Variants in LCP2 observed in about 807,000 individuals in gnomAD.
The protein encoded by LCP2 is 76 kDa tyrosine phosphoprotein.
In LCP2, 29 loss-of-function variants were observed where a neutral mutation model predicts 74.5. That is an observed-to-expected ratio of 0.39 (90% CI 0.29 to 0.53). The LOEUF is 0.53. Among genes scored for constraint, LCP2 ranks in the 20% least tolerant of loss-of-function variants. The pLI is 0.72. For missense variants in LCP2, 604 were observed against 634.6 expected (o/e 0.95, Z 0.52); for synonymous variants, 228 against 229.5 (o/e 0.99, Z 0.06).
At chr5:170,257,457 G>A (rs1761574510) in intron 16 of LCP2, among the ~76,000 whole-genome samples, 1 of 152,134 alleles carries the variant, frequency 6.6e-6, no homozygotes, top group Non-Finnish European at 1.5e-5. Flanking sequence ...AAGGGAGAAG[G>A]TAAGCCTACA....
rs1206009767 is a variant in LCP2 at position 170,262,763 on chromosome 5, A to T, written c.819-21T>A. 8 of 1,613,148 alleles carry T rather than the reference A, an allele frequency of 5.0e-6. No homozygotes were observed. In the Admixed American group the frequency reaches 1.0e-4, roughly 20 times the overall value. ...GTGACCTGTGGAGTTCAGGAAAAGG[A>T]TGTGTAAGAAACAAACTTTGCCGAG... On this transcript the variant is annotated intron_variant, in intron 12 of 20. Transcript: ENST00000046794.
intron 3 of LCP2, among the ~76,000 whole-genome samples, chr5:170,282,426 T>C (rs1171566338): frequency 6.6e-6 from 1 of 152,198 alleles, no homozygotes; most frequent in Non-Finnish European, 1.5e-5. Flanking sequence ...TCCTGAAAAG[T>C]TAGCTCTTTT....
At chr5:170,277,011 G>T (rs1318262509) in intron 3 of LCP2, among the ~76,000 whole-genome samples, 1 of 147,626 alleles carries the variant, frequency 6.8e-6, no homozygotes, top group African/African-American at 2.5e-5. Flanking sequence ...GGGAGGTGGA[G>T]GTTGCAGTGA....
chr5:170,258,260 T>C (rs1452930236), intron 15 of LCP2, 94 bp from the exon 16 acceptor site: 4 of 1,307,396 alleles, frequency 3.1e-6, no homozygotes, highest in Non-Finnish European at 4.3e-6. Flanking sequence ...AAACAGCTAG[T>C]ATAAAGAGGA....
chr5:170,275,673 C>T (rs1196885113), intron 4 of LCP2, 122 bp downstream of exon 4: 3 of 846,794 alleles, frequency 3.5e-6, no homozygotes, highest in Admixed American at 4.2e-5. Flanking sequence ...ATCTTCCAGA[C>T]CCCTGGGATT....
At chr5:170,266,539 C>G (rs950002748) in intron 10 of LCP2, among the ~76,000 whole-genome samples, 9 of 152,218 alleles carry the variant, frequency 5.9e-5, no homozygotes, top group Non-Finnish European at 1.0e-4. Flanking sequence ...AGAAGCAGCA[C>G]AGCCCCCAGA....
rs375036912 is a variant in LCP2 at position 170,272,287 on chromosome 5, T to C, written c.325-1370A>G. On this transcript the variant is annotated intron_variant, in intron 6 of 20. Transcript: ENST00000046794. ...CAATCATTTGGCTCCTAAATTTGTA[T>C]GCATGATGTTGTTGCTAATTATATT... is the stretch of plus-strand genomic sequence containing the variant. Among the ~76,000 whole-genome samples, 95 of 152,370 alleles carry C rather than the reference T, an allele frequency of 6.2e-4. 1 individual carries two copies. The Middle Eastern group carries it at 0.017, about 27-fold the overall frequency.
At chr5:170,250,266 G>C (rs1333794418) in intron 20 of LCP2, among the ~76,000 whole-genome samples, 3 of 152,126 alleles carry the variant, frequency 2.0e-5, no homozygotes, top group African/African-American at 7.2e-5. Context: ...GAATTTCTTT[G>C]GCGATCTGGC....
chr5:170,289,655 T>TCTCTCTCTCTCTCTC (rs1561978367), intron 2 of LCP2, among the ~76,000 whole-genome samples: 146 of 113,798 alleles, frequency 1.3e-3, no homozygotes, highest in African/African-American at 4.8e-3. Flanking sequence ...CTTTCTTTCT[T>TCTCTCTCTCTCTCTC]TCTTTCTTTC....
rs772469807 is a variant in LCP2, at chr5:170,250,711, C to T, written c.1479+19G>A. 6 of 1,607,576 alleles carry T rather than the reference C, an allele frequency of 3.7e-6. No homozygotes were observed. The highest frequency in any genetic ancestry group is 2.2e-5 in the East Asian group (1 of 44,832). On this transcript the variant is annotated intron_variant, in intron 20 of 20. Transcript: ENST00000046794. ...ATAAATAAAGACTTTGGGAAAATGT[C>T]GAAATTTGAAATCCTTACCTCTTTC... is the stretch of plus-strand genomic sequence containing the variant.
At position 170,247,757 on chromosome 5, in the gene LCP2, T is replaced by C. The variant is rs1761330922; in HGVS notation, c.*940A>G. 1 of 152,194 alleles carries C rather than the reference T, an allele frequency of 6.6e-6. No individual in the cohort carries two copies. Among genetic ancestry groups the C allele is most frequent in the Non-Finnish European group, 1.5e-5 (1 of 68,044 alleles). The allele number at this position is 152,194 out of a possible 1,614,324, so 9.4% of individuals were successfully genotyped here. On this transcript the variant is annotated 3_prime_UTR_variant, in exon 21 of 21. Coordinates refer to ENST00000046794, the MANE Select transcript of LCP2 (RefSeq NM_005565.5). ...CAAGAGACAGAAGAGCCATATCTAA[T>C]AGGAAAGTCTGATCACATTTAATCT...
At chr5:170,252,087 AG>A (rs1394070552) in intron 19 of LCP2, 7 of 204,022 alleles carry the variant, frequency 3.4e-5, no homozygotes, top group African/African-American at 1.6e-4. Flanking sequence ...CTGTGTTAAG[AG>A]GAAGATAGAA....
chr5:170,288,092 G>A lies in LCP2; in HGVS notation c.142-76C>T, dbSNP rs112241931. 71 of 1,447,048 alleles carry A rather than the reference G, an allele frequency of 4.9e-5. 2 individuals carry two copies. Among genetic ancestry groups the A allele is most frequent in the African/African-American group, 2.2e-4 (16 of 71,366 alleles). The allele number at this position is 1,447,048 out of a possible 1,614,324, so 89.6% of individuals were successfully genotyped here. A position where few individuals can be genotyped will look rare whatever the true frequency, so the allele number is the denominator to read the frequency against. On this transcript the variant is annotated intron_variant, in intron 2 of 20. Transcript: ENST00000046794. ...CTGAGCAGGAGGGGAAGAGTGATAC[G>A]TGAAACAATATAGGGAGTGGTGGGG...
chr5:170,261,252 G>T, intron 13 of LCP2, 115 bp from the exon 14 acceptor site: 1 of 743,654 alleles, frequency 1.3e-6, no homozygotes. Context: ...CTGAGCCTAG[G>T]GAAGATGGGA....
chr5:170,296,401 A>C (rs1298260561), intron 1 of LCP2, among the ~76,000 whole-genome samples: 1 of 152,216 alleles, frequency 6.6e-6, no homozygotes, highest in Admixed American at 6.5e-5. Context: ...AGCTGTGACT[A>C]TAAATGCCTC....
chr5:170,292,322 T>C (rs1762307252), intron 2 of LCP2, among the ~76,000 whole-genome samples: 1 of 152,128 alleles, frequency 6.6e-6, no homozygotes, highest in South Asian at 2.1e-4. Flanking sequence ...AGCACAAGAC[T>C]TGAGAGCTGC....
chr5:170,255,704 A>G (rs2113156065), intron 17 of LCP2, among the ~76,000 whole-genome samples: 1 of 152,320 alleles, frequency 6.6e-6, no homozygotes, highest in African/African-American at 2.4e-5. Context: ...GTCCTGCCCC[A>G]GTGCCTTTCA....
chr5:170,262,273 C>T (rs954284856), intron 13 of LCP2, among the ~76,000 whole-genome samples: 2 of 152,192 alleles, frequency 1.3e-5, no homozygotes, highest in African/African-American at 2.4e-5. Context: ...CATTTCCTGT[C>T]TGCTACCTGT....
At position 170,256,450 on chromosome 5, in the gene LCP2, G is replaced by A; in HGVS notation, c.1150+76C>T. 1 of 1,166,352 alleles carries A rather than the reference G, an allele frequency of 8.6e-7. No homozygotes were observed. 72.3% of individuals were successfully genotyped at this position (1,166,352 alleles called of 1,614,324 possible). Reference sequence around the variant, plus strand: ...GGAAACAATAAAACCTTTGTCGAAAGCTTTTGGGACAGGTTAGGGATCCAG... The same window carrying A: ...GGAAACAATAAAACCTTTGTCGAAAACTTTTGGGACAGGTTAGGGATCCAG... On this transcript the variant is annotated intron_variant, in intron 17 of 20. Transcript: ENST00000046794. The surrounding 1 kb of genome is among the most constrained non-coding windows in gnomAD (Gnocchi z 4.5).
Sources: allele counts gnomAD v4.1 joint callset (sites outside exome capture counted in the v4.1 genomes callset), GRCh38; gene constraint gnomAD v4.1.1; non-coding constraint Gnocchi (gnomAD v3.1); transcripts MANE v1.5; gene names NCBI Gene and HGNC (gene_info 2026-07-23, HGNC 2026-07-21).